Variants in DRC9 observed in about 807,000 individuals in gnomAD.
DRC9 encodes dynein regulatory complex protein 9.
the DRC9 span, among the ~76,000 whole-genome samples, chr3:197,955,593 C>G: frequency 6.6e-6 from 1 of 152,080 alleles, no homozygotes; most frequent in Non-Finnish European, 1.5e-5. Flanking sequence ...CCGGTTCTTA[C>G]GGTATGTTCA....
the DRC9 span, among the ~76,000 whole-genome samples, chr3:197,936,821 G>A: frequency 6.6e-6 from 1 of 152,216 alleles, no homozygotes; most frequent in East Asian, 1.9e-4. Context: ...GGTCTTTCAG[G>A]AAAAGATACG....
the DRC9 span, chr3:197,951,359 TTTTC>T: frequency 1.3e-6 from 2 of 1,595,274 alleles, no homozygotes; most frequent in African/African-American, 2.7e-5. Flanking sequence ...ATCTGCCTCA[TTTTC>T]TTTTTTATAT....
chr3:197,905,866 A>G, the DRC9 span, among the ~76,000 whole-genome samples: 17 of 152,196 alleles, frequency 1.1e-4, no homozygotes, highest in African/African-American at 4.1e-4. Context: ...AGAGAAAACA[A>G]TATCATCTCA....
the DRC9 span, among the ~76,000 whole-genome samples, chr3:197,908,065 A>T: frequency 1.4e-5 from 2 of 145,332 alleles, no homozygotes; most frequent in African/African-American, 2.6e-5. Context: ...TTTCCAAGGC[A>T]TCCTCCCAGA....
chr3:197,927,473 G>A, the DRC9 span, among the ~76,000 whole-genome samples: 127 of 152,252 alleles, frequency 8.3e-4, no homozygotes, highest in African/African-American at 3.0e-3. Context: ...TGATCCACCC[G>A]CCTTGGCCTC....
the DRC9 span, among the ~76,000 whole-genome samples, chr3:197,915,325 G>A: frequency 1.3e-5 from 2 of 151,646 alleles, no homozygotes; most frequent in African/African-American, 4.8e-5. Context: ...AGAAAGCTCC[G>A]GAGGCTCTAG....
chr3:197,950,393 T>G, the DRC9 span: 1 of 1,126,204 alleles, frequency 8.9e-7, no homozygotes, highest in Non-Finnish European at 1.1e-6. Context: ...TGGTGTTTGG[T>G]CCCCTGACAC....
At chr3:197,915,163 C>CAAAAAAAAAAAAAAAAAAAAAA in the DRC9 span, among the ~76,000 whole-genome samples, 2 of 71,362 alleles carry the variant, frequency 2.8e-5, no homozygotes, top group African/African-American at 4.4e-5. Flanking sequence ...GATTCTGTCT[C>CAAAAAAAAAAAAAAAAAAAAAA]AAAAAAAAAA....
the DRC9 span, among the ~76,000 whole-genome samples, chr3:197,921,622 C>T: frequency 6.7e-6 from 1 of 148,788 alleles, no homozygotes; most frequent in African/African-American, 2.5e-5. Flanking sequence ...TCATCTTGGT[C>T]GACCCGACTA....
chr3:197,889,911 CAA>C, the DRC9 span, among the ~76,000 whole-genome samples: 105 of 152,310 alleles, frequency 6.9e-4, no homozygotes, highest in African/African-American at 2.3e-3. Flanking sequence ...GCCATGGACT[CAA>C]GAGTGAAGTT....
chr3:197,918,305 T>C, the DRC9 span, among the ~76,000 whole-genome samples: 1 of 142,098 alleles, frequency 7.0e-6, no homozygotes, highest in South Asian at 2.3e-4. Context: ...GGTTTTGCCA[T>C]GTTGCCCAGG....
At chr3:197,892,883 T>C in the DRC9 span, 2 of 1,235,920 alleles carry the variant, frequency 1.6e-6, no homozygotes, top group African/African-American at 3.0e-5. Flanking sequence ...GGCAGAACAG[T>C]AGTTACTTAC....
chr3:197,891,620 T>G, the DRC9 span: 1 of 719,206 alleles, frequency 1.4e-6, no homozygotes, highest in Non-Finnish European at 2.3e-6. Flanking sequence ...GCCCTGCACT[T>G]TTAATATAAA....
chr3:197,943,763 T>G, the DRC9 span: 97 of 1,600,312 alleles, frequency 6.1e-5, no homozygotes, highest in Non-Finnish European at 7.9e-5. Context: ...TAACTCATGG[T>G]GAGTGGGTCT....
At chr3:197,944,165 A>G in the DRC9 span, 3 of 897,118 alleles carry the variant, frequency 3.3e-6, no homozygotes, top group African/African-American at 5.0e-5. Flanking sequence ...TCGTCGTATA[A>G]TAGAACCTAG....
the DRC9 span, chr3:197,943,965 A>G: frequency 1.9e-6 from 3 of 1,614,024 alleles, no homozygotes; most frequent in African/African-American, 1.3e-5. Flanking sequence ...TTCTTCTTCT[A>G]CGGTACTAGG....
chr3:197,955,943 G>A, the DRC9 span: 17 of 639,422 alleles, frequency 2.7e-5, no homozygotes, highest in Middle Eastern at 4.3e-4. Flanking sequence ...ATTACAGGGC[G>A]AGTACAGAGA....
chr3:197,901,338 A>G, the DRC9 span, among the ~76,000 whole-genome samples: 2 of 152,162 alleles, frequency 1.3e-5, no homozygotes, highest in Non-Finnish European at 2.9e-5. The surrounding 1 kb of genome is among the most constrained non-coding windows in gnomAD (Gnocchi z 4.4). Context: ...AGGTTTCACC[A>G]TGTTAGCCAG....
chr3:197,899,743 C>T, the DRC9 span, among the ~76,000 whole-genome samples: 350 of 152,114 alleles, frequency 2.3e-3, 1 homozygote, highest in Non-Finnish European at 4.1e-3. Context: ...ACTGATAGTT[C>T]CCCCCACCAC....
Sources: gnomAD v4.1 joint callset for allele counts (sites outside exome capture counted in the v4.1 genomes callset) on GRCh38, gnomAD v4.1.1 for gene constraint, Gnocchi (gnomAD v3.1) non-coding constraint, MANE v1.5 for transcripts, NCBI Gene and HGNC (gene_info 2026-07-23, HGNC 2026-07-21) for gene names.